EEF1B2: variants seen among roughly 807,000 people sequenced by gnomAD.
EEF1B2 encodes the protein eukaryotic translation elongation factor 1 beta 2.
EEF1B2 carries 12 observed loss-of-function variants against 28.3 expected under a neutral mutation model. The observed-to-expected ratio is 0.42, with a 90% CI of 0.27 to 0.69. The LOEUF (loss-of-function observed/expected upper bound fraction) is 0.69, where lower values mean the gene tolerates loss of function less well. Ranked by LOEUF, EEF1B2 falls within the 30% of genes least tolerant of loss-of-function variation. The pLI, the probability that EEF1B2 is intolerant of heterozygous loss-of-function variation, is 0.22. For missense variants in EEF1B2, 234 were observed against 272.6 expected, an observed-to-expected ratio of 0.86 and a Z score of 1.00; for synonymous variants, 83 against 99.9, an observed-to-expected ratio of 0.83 and a Z score of 1.01.
chr2:206,162,322 C>A, intron 4 of EEF1B2, 167 bp from the exon 5 acceptor site: 2 of 1,258,082 alleles, frequency 1.6e-6, no homozygotes, highest in Non-Finnish European at 2.3e-6. Context: ...TCTTTCTTAG[C>A]AAAACAGAAA....
chr2:206,162,715 A>G lies in EEF1B2; in HGVS notation c.524-14A>G. Reference sequence around the variant, plus strand: ...GACTTTTCTAACTAGGATTTTTCTTAATGCTCTTTTTAGCTAAACTAGTTC... The same window carrying G: ...GACTTTTCTAACTAGGATTTTTCTTGATGCTCTTTTTAGCTAAACTAGTTC... On this transcript the variant is annotated splice_polypyrimidine_tract_variant and intron_variant, in intron 5 of 5. Transcript: ENST00000392222. 3 of 1,613,148 alleles carry G rather than the reference A, an allele frequency of 1.9e-6. No homozygotes were observed. Among genetic ancestry groups the G allele is most frequent in the Non-Finnish European group, 2.5e-6 (3 of 1,179,862 alleles).
chr2:206,161,349 G>T lies in EEF1B2; in HGVS notation c.207G>T (p.Leu69=), dbSNP rs775476917. 9 of 1,613,904 alleles carry T rather than the reference G, an allele frequency of 5.6e-6. No homozygotes were observed. Among genetic ancestry groups the T allele is most frequent in the South Asian group, 5.5e-5 (5 of 91,072 alleles). ...IKSYEKEKAS[L]PGVKKALGKY... The stretch of plus-strand genomic sequence containing the variant: ...TTGAATTTAAATGTTTTTCAAGCCT[G>T]CCAGGAGTGAAGAAAGCTTTGGGCA... The change falls in exon 3 of 6, where the codon CTG becomes CTT. Residue 69 remains leucine, a synonymous_variant. Transcript: ENST00000392222.
intron 1 of EEF1B2, 56 bp downstream of exon 1, chr2:206,160,115 G>C (rs1348650463): frequency 6.3e-7 from 1 of 1,582,712 alleles, no homozygotes; most frequent in Non-Finnish European, 8.6e-7. Flanking sequence ...CGGGGCCGGG[G>C]CCACGTGGCG....
intron 1 of EEF1B2, 40 bp from the exon 2 acceptor site, chr2:206,160,548 T>A (rs757025384): frequency 1.2e-6 from 2 of 1,613,388 alleles, no homozygotes; most frequent in Non-Finnish European, 1.7e-6. Context: ...TGGCGTTTGT[T>A]TTTCAAAGGT....
chr2:206,160,713 A>G lies in EEF1B2; in HGVS notation c.203+3A>G. 3 of 1,614,198 alleles carry G rather than the reference A, an allele frequency of 1.9e-6. No individual in the cohort carries two copies. Among genetic ancestry groups the G allele is most frequent in the Non-Finnish European group, 2.5e-6 (3 of 1,180,030 alleles). ...TCTTACGAAAAGGAAAAGGCCAGGTAAAATCATCTTTGTATAGAGCTGAAG... is the reference window on the plus strand; with the variant it reads ...TCTTACGAAAAGGAAAAGGCCAGGTGAAATCATCTTTGTATAGAGCTGAAG... On this transcript the variant is annotated splice_donor_region_variant and intron_variant, in intron 2 of 5. Transcript: ENST00000392222.
intron 1 of EEF1B2, 145 bp downstream of exon 1, chr2:206,160,204 C>G (rs948331545): frequency 5.6e-5 from 63 of 1,124,638 alleles, no homozygotes; most frequent in Middle Eastern, 3.0e-4. Flanking sequence ...GCCCCGTTGC[C>G]GTCTCCCAAG....
rs1235130994 is a variant in EEF1B2 at position 206,161,464 on chromosome 2, G to T, written c.322G>T (p.Asp108Tyr). 2 of 1,613,792 alleles carry T rather than the reference G, an allele frequency of 1.2e-6. No homozygotes were observed. The highest frequency in any genetic ancestry group is 1.7e-5 in the Admixed American group (1 of 59,980). The change falls in exon 3 of 6, where the codon GAT becomes TAT. Residue 108 changes from aspartate to tyrosine, a missense_variant. By Grantham distance (160) the Asp-to-Tyr change is radical. Around this residue, in one of 2 missense-constraint regions of EEF1B2, gnomAD observed 178 missense variants for 173.3 expected, o/e 1.03. Coordinates refer to ENST00000392222, the MANE Select transcript of EEF1B2 (RefSeq NM_001959.4). ...DDDIDLFGSDDEEESEEAKRL... is the reference protein window; with the variant it reads ...DDDIDLFGSDYEEESEEAKRL... ...TGACATTGACCTCTTTGGATCTGATGATGAGGAGGTATGGCGTCTTCTATA... is the reference window on the plus strand; with the variant it reads ...TGACATTGACCTCTTTGGATCTGATTATGAGGAGGTATGGCGTCTTCTATA...
chr2:206,160,203 C>A, intron 1 of EEF1B2, 144 bp downstream of exon 1: 1 of 1,127,876 alleles, frequency 8.9e-7, no homozygotes, highest in Non-Finnish European at 1.2e-6. Flanking sequence ...CGCCCCGTTG[C>A]CGTCTCCCAA....
rs765160465 is a variant in EEF1B2 at position 206,162,562 on chromosome 2, A to G, written c.471A>G (p.Lys157=). 3 of 1,613,410 alleles carry G rather than the reference A, an allele frequency of 1.9e-6. No homozygotes were observed. The highest frequency in any genetic ancestry group is 2.2e-5 in the East Asian group (1 of 44,886). ...KPWDDETDMA[K]LEECVRSIQA... is the part of the protein sequence containing the mutation. ...GGGATGATGAGACAGATATGGCGAA[A>G]TTAGAGGAGTGCGTCAGAAGCATTC... The change falls in exon 5 of 6, where the codon AAA becomes AAG. Residue 157 remains lysine, a synonymous_variant. Transcript: ENST00000392222.
Position 206,161,485 on chromosome 2 carries a change from C to T in EEF1B2, c.330+13C>T. On this transcript the variant is annotated intron_variant, in intron 3 of 5. Transcript: ENST00000392222. ...TGATGATGAGGAGGTATGGCGTCTT[C>T]TATAAAGAACATATCGGCCAGGCGC... The T allele has an allele frequency of 6.2e-7, 1 of 1,613,176 alleles. No individual in the cohort carries two copies. The highest frequency in any genetic ancestry group is 8.5e-7 in the Non-Finnish European group (1 of 1,179,510).
chr2:206,162,732 A>T lies in EEF1B2; in HGVS notation c.527A>T (p.Lys176Ile). Residue 176 changes from lysine to isoleucine, a missense_variant, in exon 6 of 6, where the codon AAA (lysine) becomes ATA (isoleucine). By Grantham distance (102) the Lys-to-Ile change is moderately radical. Around this residue, in one of 2 missense-constraint regions of EEF1B2, gnomAD observed 56 missense variants for 99.3 expected, o/e 0.56. Coordinates refer to ENST00000392222, the MANE Select transcript of EEF1B2 (RefSeq NM_001959.4). ...QADGLVWGSS[K>I]LVPVGYGIKK... ...TTTTTCTTAATGCTCTTTTTAGCTA[A>T]ACTAGTTCCAGTGGGATACGGAATT... 6.2e-7 allele frequency: 1 copy of T among 1,613,756 alleles called. No individual in the cohort carries two copies. The highest frequency in any genetic ancestry group is 8.5e-7 in the Non-Finnish European group (1 of 1,179,984).
At chr2:206,160,268 G>A (rs1311745433) in intron 1 of EEF1B2, among the ~76,000 whole-genome samples, 1 of 152,192 alleles carries the variant, frequency 6.6e-6, no homozygotes, top group African/African-American at 2.4e-5. Flanking sequence ...AGCAAGGAAA[G>A]GTTAAAATGT....
At position 206,162,561 on chromosome 2, in the gene EEF1B2, A is replaced by G. The variant is rs759689793; in HGVS notation, c.470A>G (p.Lys157Arg). Residue 157 changes from lysine (K) to arginine (R), a missense_variant, in exon 5 of 6, where the codon AAA becomes AGA. By Grantham distance (26) the Lys-to-Arg change is conservative (BLOSUM62 2). Around this residue, in one of 2 missense-constraint regions of EEF1B2, gnomAD observed 56 missense variants for 99.3 expected, o/e 0.56. Coordinates refer to ENST00000392222, the MANE Select transcript of EEF1B2 (RefSeq NM_001959.4). ...TGGGATGATGAGACAGATATGGCGA[A>G]ATTAGAGGAGTGCGTCAGAAGCATT... ...KPWDDETDMA[K>R]LEECVRSIQA... 1.2e-6 allele frequency: 2 copies of G among 1,613,308 alleles called. No homozygotes were observed. Among genetic ancestry groups the G allele is most frequent in the Non-Finnish European group, 1.7e-6 (2 of 1,180,044 alleles).
At chr2:206,162,254 T>C in intron 4 of EEF1B2, 150 bp downstream of exon 4, 2 of 1,067,018 alleles carry the variant, frequency 1.9e-6, no homozygotes, top group South Asian at 2.5e-5. Context: ...CTGCAGCTGT[T>C]CTTATGGTAG....
intron 4 of EEF1B2, 143 bp downstream of exon 4, chr2:206,162,247 C>T: frequency 9.4e-7 from 1 of 1,065,574 alleles, no homozygotes; most frequent in Non-Finnish European, 1.5e-6. Flanking sequence ...TACTGGTCTG[C>T]AGCTGTTCTT....
In EEF1B2 at chr2:206,162,924, G is replaced by C. The variant is rs752352864; in HGVS notation, c.*41G>C. 11 of 1,579,830 alleles carry C rather than the reference G, an allele frequency of 7.0e-6. No individual in the cohort carries two copies. Among genetic ancestry groups the C allele is most frequent in the East Asian group, 2.2e-5 (1 of 44,704 alleles). ...ATGGCATTTAAATAAAAGATTGAAA[G>C]ATTACCTTTGGCTCTTGAGTATGTT... On this transcript the variant is annotated 3_prime_UTR_variant, in exon 6 of 6. Transcript: ENST00000392222.
At position 206,162,573 on chromosome 2, in the gene EEF1B2, G is replaced by A; in HGVS notation, c.482G>A (p.Cys161Tyr). ...DETDMAKLEE[C>Y]VRSIQADGLV... ...ACAGATATGGCGAAATTAGAGGAGT[G>A]CGTCAGAAGCATTCAAGCAGACGGC... Residue 161 changes from cysteine to tyrosine, a missense_variant, in exon 5 of 6, where the codon TGC becomes TAC. This residue lies in a region of EEF1B2 where 56 missense variants were observed against 99.3 expected (regional missense o/e 0.56). Transcript: ENST00000392222. 1 of 1,613,366 alleles carries A rather than the reference G, an allele frequency of 6.2e-7. No homozygotes were observed. The highest frequency in any genetic ancestry group is 1.1e-5 in the South Asian group (1 of 91,038).
intron 2 of EEF1B2, chr2:206,161,013 T>C: frequency 1.6e-6 from 1 of 642,192 alleles, no homozygotes. Context: ...TGGCCATTCT[T>C]CTGAAACTGC....
At chr2:206,162,245 T>A in intron 4 of EEF1B2, 141 bp downstream of exon 4, 1 of 1,067,402 alleles carries the variant, frequency 9.4e-7, no homozygotes, top group Non-Finnish European at 1.5e-6. Context: ...GCTACTGGTC[T>A]GCAGCTGTTC....
Sources: allele counts gnomAD v4.1 joint callset (sites outside exome capture counted in the v4.1 genomes callset), GRCh38; gene constraint gnomAD v4.1.1; regional missense constraint gnomAD v4.1.1; transcripts MANE v1.5; gene names NCBI Gene and HGNC (gene_info 2026-07-23, HGNC 2026-07-21).